SPATA16: variants seen among roughly 807,000 people sequenced by gnomAD.
SPATA16 encodes the protein spermatogenesis-associated protein 16.
In SPATA16, 36 loss-of-function variants were observed where a neutral mutation model predicts 63.3. That is an observed-to-expected ratio of 0.57 (90% confidence interval 0.44 to 0.75). The LOEUF (loss-of-function observed/expected upper bound fraction) is 0.75, where lower values mean the gene tolerates loss of function less well. Among genes scored for constraint, SPATA16 ranks in the 30% least tolerant of loss-of-function variants. The probability of loss-of-function intolerance (pLI) is 0.00; values close to 1 mark genes in which losing one functional copy is unlikely to be tolerated. For synonymous variants in SPATA16, 203 were observed against 216.7 expected (o/e 0.94, Z 0.56); for missense variants, 646 against 679.3 (o/e 0.95, Z 0.54).
In SPATA16 at chr3:172,935,318, G is replaced by T. The variant is rs1042475301; in HGVS notation, c.1082-9826C>A. On this transcript the variant is annotated intron_variant, in intron 6 of 10. Transcript: ENST00000351008. ...GAATAGCCACTCAAAAATAGCCATT[G>T]TTTGAGACCCCATCTCAAACAAACA... Among the ~76,000 whole-genome samples, 3 of 152,140 alleles carry T rather than the reference G, an allele frequency of 2.0e-5. No homozygotes were observed. The East Asian group carries it at 5.8e-4, about 29-fold the overall frequency.
Position 173,117,759 on chromosome 3 carries a change from G to A in SPATA16, c.-18-10C>T. 6.2e-7 allele frequency: 1 copy of A among 1,613,878 alleles called. No homozygotes were observed. Among genetic ancestry groups the A allele is most frequent in the South Asian group, 1.1e-5 (1 of 91,058 alleles). The stretch of plus-strand genomic sequence containing the variant: ...ATCCTGCCCAAAACTCCTGCAGGGG[G>A]GAGAAAAAGGAAAGTAATTAAGGCA... On this transcript the variant is annotated splice_polypyrimidine_tract_variant and intron_variant, in intron 1 of 10. Coordinates refer to ENST00000351008, the MANE Select transcript of SPATA16 (RefSeq NM_031955.6).
chr3:173,030,280 A>T (rs865780521), intron 3 of SPATA16, among the ~76,000 whole-genome samples: 4 of 152,176 alleles, frequency 2.6e-5, no homozygotes, highest in African/African-American at 4.8e-5. Flanking sequence ...ATATAAACAG[A>T]GTAACACAGC....
intron 3 of SPATA16, among the ~76,000 whole-genome samples, chr3:173,024,623 T>C (rs914368263): frequency 2.0e-5 from 3 of 150,674 alleles, no homozygotes; most frequent in African/African-American, 4.8e-5. Context: ...GGATGAGAAA[T>C]GAACAAATAA....
chr3:172,925,521 G>A (rs755513313), intron 6 of SPATA16, 29 bp from the exon 7 acceptor site: 2 of 1,613,600 alleles, frequency 1.2e-6, no homozygotes, highest in Admixed American at 3.3e-5. Context: ...AGAACTAAGA[G>A]GCTTTGTTAT....
intron 8 of SPATA16, among the ~76,000 whole-genome samples, chr3:172,916,977 G>A (rs74869483): frequency 6.6e-6 from 1 of 152,204 alleles, no homozygotes; most frequent in South Asian, 2.1e-4. Flanking sequence ...AAACCTCTAA[G>A]CTCTGCTTTT....
chr3:173,032,099 A>C (rs1735619446), intron 3 of SPATA16, among the ~76,000 whole-genome samples: 1 of 152,138 alleles, frequency 6.6e-6, no homozygotes, highest in South Asian at 2.1e-4. Flanking sequence ...ATTACTTGAG[A>C]TCTCAGCATG....
chr3:173,065,647 C>T (rs902732454), intron 2 of SPATA16, among the ~76,000 whole-genome samples: 1 of 152,226 alleles, frequency 6.6e-6, no homozygotes, highest in African/African-American at 2.4e-5. Flanking sequence ...CACCACTCCT[C>T]CTCCAACCCC....
chr3:172,961,065 T>TCTTTCTTCCTTTCTTC (rs1553786396), intron 5 of SPATA16, among the ~76,000 whole-genome samples: 558 of 40,154 alleles, frequency 0.014, 31 homozygotes, highest in African/African-American at 0.066. Flanking sequence ...CTTTCTTTCT[T>TCTTTCTTCCTTTCTTC]CTTTCTTCCT....
chr3:173,071,567 G>A (rs1202980314), intron 2 of SPATA16, among the ~76,000 whole-genome samples: 1 of 152,048 alleles, frequency 6.6e-6, no homozygotes, highest in Non-Finnish European at 1.5e-5. Context: ...CATCTTACAA[G>A]TAATTAAAAA....
chr3:173,067,182 A>C (rs1052247840), intron 2 of SPATA16, among the ~76,000 whole-genome samples: 4 of 152,224 alleles, frequency 2.6e-5, no homozygotes, highest in East Asian at 1.9e-4. Context: ...AATAACCCCC[A>C]AAAAGACATG....
At chr3:173,082,590 G>A (rs1036750499) in intron 2 of SPATA16, among the ~76,000 whole-genome samples, 5 of 152,214 alleles carry the variant, frequency 3.3e-5, no homozygotes, top group Non-Finnish European at 4.4e-5. Context: ...TTCTGCCTGT[G>A]GGAGCAGGTT....
chr3:172,967,112 C>G (rs1733935591), intron 5 of SPATA16, among the ~76,000 whole-genome samples: 1 of 152,136 alleles, frequency 6.6e-6, no homozygotes, highest in South Asian at 2.1e-4. Context: ...TAGCCACAGG[C>G]CTCCTGGGAA....
rs1731852936 is a variant in SPATA16, at chr3:172,889,599, T to C, written c.1681A>G (p.Lys561Glu). Residue 561 changes from lysine to glutamate, a missense_variant, in exon 11 of 11, where the codon AAG (lysine) becomes GAG (glutamate). Coordinates refer to ENST00000351008, the MANE Select transcript of SPATA16 (RefSeq NM_031955.6). ...RTARRQKTKM[K>E]RLQTVQQR ...CTTTGCTGAACAGTTTGAAGTCGCT[T>C]CATTTTTGTTTTTTGCCTTCGAGCA... 1 of 1,613,744 alleles carries C rather than the reference T, an allele frequency of 6.2e-7. No individual in the cohort carries two copies.
chr3:172,916,371 T>G lies in SPATA16; in HGVS notation c.1449A>C (p.Ala483=), dbSNP rs1042412011. 1.2e-6 allele frequency: 2 copies of G among 1,613,876 alleles called. No individual in the cohort carries two copies. Among genetic ancestry groups the G allele is most frequent in the African/African-American group, 1.3e-5 (1 of 75,018 alleles). The change falls in exon 9 of 11, where the codon GCA becomes GCC. Residue 483 remains alanine, a synonymous_variant. Coordinates refer to ENST00000351008, the MANE Select transcript of SPATA16 (RefSeq NM_031955.6). ...GTAGGTAGGGAATGGTTGCTAGCTC[T>G]GCCATTGCTTGATTAATCACCTGGG... is the stretch of plus-strand genomic sequence containing the variant. ...EQSQVINQAM[A]ELATIPYLQD...
At chr3:172,915,668 T>G (rs1001864234) in intron 9 of SPATA16, among the ~76,000 whole-genome samples, 12 of 152,196 alleles carry the variant, frequency 7.9e-5, no homozygotes, top group African/African-American at 2.7e-4. Context: ...AATATGCACA[T>G]CTGTCTGAAG....
intron 10 of SPATA16, among the ~76,000 whole-genome samples, chr3:172,905,853 C>T (rs181811307): frequency 1.3e-3 from 192 of 152,294 alleles, no homozygotes; most frequent in African/African-American, 4.5e-3. Flanking sequence ...CATTTCTCCT[C>T]AGGAAAACTC....
chr3:173,078,463 G>A (rs1205584937), intron 2 of SPATA16, among the ~76,000 whole-genome samples: 2 of 152,128 alleles, frequency 1.3e-5, no homozygotes, highest in African/African-American at 4.8e-5. Context: ...GGCTAAAAAC[G>A]TATCTGTTGG....
intron 8 of SPATA16, among the ~76,000 whole-genome samples, chr3:172,922,046 A>T (rs1732625521): frequency 1.3e-5 from 2 of 152,256 alleles, no homozygotes; most frequent in Non-Finnish European, 2.9e-5. Flanking sequence ...CTTGGGTTAC[A>T]GTCAATGGTA....
rs13322088 is a variant in SPATA16, at chr3:172,944,408, T to C, written c.1081+12269A>G. ...AATTGGAACACTCGTGCACTTCTGGTGAGAATGTGAAATGGTGTGGCCACT... is the reference window on the plus strand; with the variant it reads ...AATTGGAACACTCGTGCACTTCTGGCGAGAATGTGAAATGGTGTGGCCACT... On this transcript the variant is annotated intron_variant, in intron 6 of 10. Transcript: ENST00000351008. 9.9e-3 allele frequency among the ~76,000 whole-genome samples: 1,513 copies of C among 152,278 alleles called. 19 individuals carry two copies. Among genetic ancestry groups the C allele is most frequent in the African/African-American group, 0.029 (1,219 of 41,546 alleles).
Sources: allele counts gnomAD v4.1 joint callset (sites outside exome capture counted in the v4.1 genomes callset), GRCh38; gene constraint gnomAD v4.1.1; transcripts MANE v1.5; gene names NCBI Gene and HGNC (gene_info 2026-07-23, HGNC 2026-07-21).